Variants in RANBP10 observed in about 807,000 individuals in gnomAD.
RANBP10 encodes RAN binding protein 10.
Under a neutral mutation model 72.8 loss-of-function variants are expected in RANBP10, and 24 were observed. The ratio of observed to expected loss-of-function variants is 0.33; its 90% CI spans 0.24 to 0.46. RANBP10 has a LOEUF of 0.46. Ranked by LOEUF, RANBP10 falls within the 20% of genes least tolerant of loss-of-function variation. The pLI is 1.00. For missense variants in RANBP10, 679 were observed against 817.5 expected, an observed-to-expected ratio of 0.83 and a Z score of 2.07; for synonymous variants, 310 against 322.3, an observed-to-expected ratio of 0.96 and a Z score of 0.41.
chr16:67,773,876 T>C (rs775920757), intron 2 of RANBP10, among the ~76,000 whole-genome samples: 1 of 152,174 alleles, frequency 6.6e-6, no homozygotes, highest in Non-Finnish European at 1.5e-5. Context: ...GACTGCTCAG[T>C]CATTCCCAGA....
intron 13 of RANBP10, among the ~76,000 whole-genome samples, chr16:67,726,866 CTA>C (rs963257825): frequency 2.6e-5 from 4 of 152,216 alleles, no homozygotes; most frequent in African/African-American, 7.2e-5. Context: ...CCCAGGAGTC[CTA>C]TGAGTCACCA....
chr16:67,731,622 C>G, intron 6 of RANBP10, 38 bp from the exon 7 acceptor site: 1 of 1,500,684 alleles, frequency 6.7e-7, no homozygotes, highest in Non-Finnish European at 9.2e-7. Flanking sequence ...CACTCAAGAA[C>G]TGCACTTCTC....
chr16:67,738,148 T>C, intron 4 of RANBP10, 113 bp from the exon 5 acceptor site: 1 of 1,265,166 alleles, frequency 7.9e-7, no homozygotes, highest in Non-Finnish European at 1.1e-6. Flanking sequence ...GGTTTGTTGT[T>C]GTTGTTTTGA....
Position 67,730,074 on chromosome 16 carries a change from G to T in RANBP10, c.890-28C>A. ...GCAGGGTGCAAGAACACAGCAGTGA[G>T]CGAGGGCTACAGGCCTCTCCCACAG... On this transcript the variant is annotated intron_variant, in intron 7 of 13. Transcript: ENST00000317506. The surrounding 1 kb of genome is among the most constrained non-coding windows in gnomAD (Gnocchi z 4.3). 1 of 1,599,722 alleles carries T rather than the reference G, an allele frequency of 6.3e-7. No individual in the cohort carries two copies. Among genetic ancestry groups the T allele is most frequent in the Non-Finnish European group, 8.5e-7 (1 of 1,173,560 alleles).
At chr16:67,743,167 T>A (rs935397465) in intron 4 of RANBP10, among the ~76,000 whole-genome samples, 2 of 152,190 alleles carry the variant, frequency 1.3e-5, no homozygotes, top group African/African-American at 4.8e-5. Flanking sequence ...CCTGGAGAAG[T>A]CATAGAGGGG....
At chr16:67,782,327 C>T (rs1451016518) in intron 2 of RANBP10, among the ~76,000 whole-genome samples, 1 of 152,048 alleles carries the variant, frequency 6.6e-6, no homozygotes, top group Admixed American at 6.6e-5. Context: ...GGGATTTGCC[C>T]TGTTGCCTAG....
At chr16:67,805,647 G>A (rs2055376219) in intron 1 of RANBP10, 108 bp from the exon 2 acceptor site, 6 of 874,108 alleles carry the variant, frequency 6.9e-6, no homozygotes, top group African/African-American at 3.3e-5. Context: ...GTGGCCAGAG[G>A]ACGCACTTAC....
intron 2 of RANBP10, among the ~76,000 whole-genome samples, chr16:67,774,672 C>T (rs1032144654): frequency 8.5e-5 from 13 of 152,294 alleles, no homozygotes; most frequent in South Asian, 2.1e-4. Context: ...AGGGAGCAGC[C>T]CCACAGGAGC....
At chr16:67,737,196 T>TTC (rs2053867743) in intron 5 of RANBP10, among the ~76,000 whole-genome samples, 6 of 131,030 alleles carry the variant, frequency 4.6e-5, no homozygotes, top group African/African-American at 1.5e-4. Context: ...CCTTTTCTTT[T>TTC]TTTTTTTTTT....
At chr16:67,774,900 T>TAA (rs2054672817) in intron 2 of RANBP10, among the ~76,000 whole-genome samples, 1 of 152,242 alleles carries the variant, frequency 6.6e-6, no homozygotes, top group South Asian at 2.1e-4. Flanking sequence ...GTGAATACAC[T>TAA]AAAAAACACG....
Position 67,773,217 on chromosome 16 carries a change from C to T in RANBP10, c.348-1131G>A, listed in dbSNP as rs139278499. 7.6e-4 allele frequency among the ~76,000 whole-genome samples: 116 copies of T among 152,160 alleles called. 1 individual carries two copies. The highest frequency in any genetic ancestry group is 3.4e-3 in the Middle Eastern group (1 of 294). On this transcript the variant is annotated intron_variant, in intron 2 of 13. Coordinates refer to ENST00000317506, the MANE Select transcript of RANBP10 (RefSeq NM_020850.3). ...AACGAGTTCTTGCTCTATGTTCCTGCGAGATCTGGTTGTTTAAAAGAGTAT... is the reference window on the plus strand; with the variant it reads ...AACGAGTTCTTGCTCTATGTTCCTGTGAGATCTGGTTGTTTAAAAGAGTAT...
intron 2 of RANBP10, among the ~76,000 whole-genome samples, chr16:67,804,886 G>C (rs2055316423): frequency 6.6e-6 from 1 of 152,100 alleles, no homozygotes; most frequent in Admixed American, 6.6e-5. Flanking sequence ...TAGTGTTCAA[G>C]TCCTTGGACT....
rs2053717728 is a variant in RANBP10 at position 67,730,896 on chromosome 16, C to T, written c.889+576G>A. ...CCTTTTCCTCTTTTCCAACACCCCT[C>T]CTTCCGTGAAAGAGCCTCCAGACAC... On this transcript the variant is annotated intron_variant, in intron 7 of 13. Coordinates refer to ENST00000317506, the MANE Select transcript of RANBP10 (RefSeq NM_020850.3). This position sits in a 1 kb window ranked among gnomAD's most constrained non-coding sequence, Gnocchi z 4.3. 6.5e-6 allele frequency: 1 copy of T among 154,316 alleles called. No individual in the cohort carries two copies. Among genetic ancestry groups the T allele is most frequent in the Non-Finnish European group, 1.4e-5 (1 of 69,710 alleles). 9.6% of individuals were successfully genotyped at this position (154,316 alleles called of 1,614,324 possible).
At chr16:67,726,691 G>T in intron 13 of RANBP10, 133 bp from the exon 14 acceptor site, 1 of 1,134,500 alleles carries the variant, frequency 8.8e-7, no homozygotes, top group Non-Finnish European at 1.2e-6. Context: ...CTCTGTGTAA[G>T]TGTGTCCCAG....
intron 11 of RANBP10, 117 bp from the exon 12 acceptor site, chr16:67,728,013 C>A: frequency 8.8e-7 from 1 of 1,140,670 alleles, no homozygotes; most frequent in South Asian, 1.4e-5. Flanking sequence ...GCAGGCAGGG[C>A]TGGGAGGAAC....
intron 3 of RANBP10, among the ~76,000 whole-genome samples, chr16:67,747,306 T>C (rs1265440161): frequency 6.6e-6 from 1 of 152,236 alleles, no homozygotes; most frequent in African/African-American, 2.4e-5. Flanking sequence ...TTTCATGTAC[T>C]CATTTGCCAC....
chr16:67,741,783 G>T (rs1009436887), intron 4 of RANBP10, among the ~76,000 whole-genome samples: 6 of 152,212 alleles, frequency 3.9e-5, no homozygotes, highest in Non-Finnish European at 7.3e-5. Context: ...TGCAAGGGCT[G>T]TTGACAGAGG....
intron 2 of RANBP10, among the ~76,000 whole-genome samples, chr16:67,802,593 G>A (rs187792332): frequency 2.0e-5 from 3 of 152,178 alleles, no homozygotes; most frequent in Admixed American, 2.0e-4. Flanking sequence ...AGCCGAGATT[G>A]AGTCAATGCA....
At position 67,738,044 on chromosome 16, in the gene RANBP10, G is replaced by A. The variant is rs1414726958; in HGVS notation, c.569-9C>T. On this transcript the variant is annotated splice_polypyrimidine_tract_variant and intron_variant, in intron 4 of 13. Coordinates refer to ENST00000317506, the MANE Select transcript of RANBP10 (RefSeq NM_020850.3). Reference sequence around the variant, plus strand: ...GTCTGTGAAGGCTATACCTGTGGGGGGAAAGGAACAGTCATCAGGGCCAGC... The same window carrying A: ...GTCTGTGAAGGCTATACCTGTGGGGAGAAAGGAACAGTCATCAGGGCCAGC... 3 of 1,587,412 alleles carry A rather than the reference G, an allele frequency of 1.9e-6. No individual in the cohort carries two copies. The South Asian group carries it at 3.4e-5, about 18-fold the overall frequency.
Sources: gnomAD v4.1 joint callset for allele counts (sites outside exome capture counted in the v4.1 genomes callset) on GRCh38, gnomAD v4.1.1 for gene constraint, Gnocchi (gnomAD v3.1) non-coding constraint, MANE v1.5 for transcripts, NCBI Gene and HGNC (gene_info 2026-07-23, HGNC 2026-07-21) for gene names.